The following LAMA3 variants were observed in gnomAD, a reference collection of about 807,000 sequenced individuals.
LAMA3 encodes the protein laminin subunit alpha 3.
Under a neutral mutation model 402.0 loss-of-function variants are expected in LAMA3, and 281 were observed. That is an observed-to-expected ratio of 0.70 (90% CI 0.63 to 0.77). LAMA3 has a LOEUF of 0.77. Ranked by LOEUF, LAMA3 falls within the 30% of genes least tolerant of loss-of-function variation. The pLI is 0.00. For missense variants in LAMA3, 3,840 were observed against 4,215.5 expected (o/e 0.91, Z 2.47); for synonymous variants, 1,431 against 1,558.4 (o/e 0.92, Z 1.93).
intron 23 of LAMA3, among the ~76,000 whole-genome samples, chr18:23,832,337 C>T (rs1302031287): frequency 6.6e-6 from 1 of 152,118 alleles, no homozygotes; most frequent in Non-Finnish European, 1.5e-5. Flanking sequence ...ATTGGTATGG[C>T]TGATCCACAT....
chr18:23,723,009 A>G (rs1208570622), intron 2 of LAMA3, among the ~76,000 whole-genome samples: 1 of 152,138 alleles, frequency 6.6e-6, no homozygotes, highest in African/African-American at 2.4e-5. Flanking sequence ...AGAGCTTTAC[A>G]TTTACATATC....
chr18:23,750,482 A>C (rs941198292), intron 4 of LAMA3, among the ~76,000 whole-genome samples: 2 of 71,200 alleles, frequency 2.8e-5, no homozygotes, highest in Non-Finnish European at 5.2e-5. Context: ...CATTACTGTC[A>C]AACTTTATAT....
intron 1 of LAMA3, among the ~76,000 whole-genome samples, chr18:23,694,196 G>A (rs1248814637): frequency 6.6e-6 from 1 of 152,196 alleles, no homozygotes; most frequent in Non-Finnish European, 1.5e-5. Context: ...AATACATGTG[G>A]AGTTAATAAA....
intron 1 of LAMA3, among the ~76,000 whole-genome samples, chr18:23,695,761 C>T (rs1387047329): frequency 8.1e-6 from 1 of 123,146 alleles, no homozygotes; most frequent in African/African-American, 3.1e-5. Flanking sequence ...CACACCACTG[C>T]ACTCCAGCCT....
intron 11 of LAMA3, among the ~76,000 whole-genome samples, chr18:23,779,559 A>T (rs118176037): frequency 0.033 from 5,011 of 152,096 alleles, 351 homozygotes; most frequent in Admixed American, 0.17. Context: ...AGAGGGAAAG[A>T]TTAAAACAAG....
In LAMA3 at chr18:23,842,529, G is replaced by A. The variant is rs773464664; in HGVS notation, c.3463+8G>A. ...GCGGGTGGCCACGGGCAGGTGAGCT[G>A]CAGTGAGCAGGCCCTGCTGCCTGCC... On this transcript the variant is annotated splice_region_variant and intron_variant, in intron 28 of 74. Transcript: ENST00000313654. 1 of 1,614,242 alleles carries A rather than the reference G, an allele frequency of 6.2e-7. No homozygotes were observed. Among genetic ancestry groups the A allele is most frequent in the East Asian group, 2.2e-5 (1 of 44,866 alleles).
intron 18 of LAMA3, among the ~76,000 whole-genome samples, chr18:23,818,090 G>C (rs2063212493): frequency 6.6e-6 from 1 of 152,222 alleles, no homozygotes; most frequent in Non-Finnish European, 1.5e-5. Context: ...GGGAGGCAGA[G>C]GTTGCAGTGA....
Position 23,689,873 on chromosome 18 carries a change from G to T in LAMA3, c.190G>T (p.Ala64Ser). 7 of 1,545,270 alleles carry T rather than the reference G, an allele frequency of 4.5e-6. No individual in the cohort carries two copies. Among genetic ancestry groups the T allele is most frequent in the Non-Finnish European group, 6.1e-6 (7 of 1,145,502 alleles). ...LAEAARIWAT[A>S]TCGERGPGEG... ...CGAGGCGGCGAGGATTTGGGCCACC[G>T]CCACCTGCGGGGAGAGGGGACCCGG... Residue 64 changes from alanine (A) to serine (S), a missense_variant, in exon 1 of 75, where the codon GCC (alanine) becomes TCC (serine). By Grantham distance (99) the Ala-to-Ser change is moderately conservative (BLOSUM62 1). Coordinates refer to ENST00000313654, the MANE Select transcript of LAMA3 (RefSeq NM_198129.4).
At chr18:23,792,646 T>C (rs554792593) in intron 12 of LAMA3, among the ~76,000 whole-genome samples, 8 of 152,194 alleles carry the variant, frequency 5.3e-5, no homozygotes, top group African/African-American at 1.2e-4. Flanking sequence ...GCAGAGGTGC[T>C]TGTGGCCAGA....
At position 23,901,261 on chromosome 18, in the gene LAMA3, G is replaced by A. The variant is rs772403870; in HGVS notation, c.6139G>A (p.Ala2047Thr). Residue 2047 changes from alanine to threonine, a missense_variant, in exon 48 of 75, where the codon GCC becomes ACC. Physicochemically the swap from Ala to Thr is moderately conservative, Grantham distance 58. Around this residue, in one of 3 missense-constraint regions of LAMA3, gnomAD observed 891 missense variants for 857.5 expected, o/e 1.04. Transcript: ENST00000313654. ...TCGTGCTCGGCTGCAGGAGGCAGCT[G>A]CCCAAGCCAAGCAGGCAAATGGCTT... ...DLRARLQEAA[A>T]QAKQANGLNQ... 14 of 1,614,192 alleles carry A rather than the reference G, an allele frequency of 8.7e-6. No individual in the cohort carries two copies. In the South Asian group the frequency reaches 1.5e-4, roughly 18 times the overall value.
intron 47 of LAMA3, 62 bp downstream of exon 47, chr18:23,899,517 A>G (rs577499226): frequency 6.5e-7 from 1 of 1,526,822 alleles, no homozygotes; most frequent in Non-Finnish European, 9.0e-7. Context: ...CACAACGTGC[A>G]GAGTGCAATG....
Position 23,861,753 on chromosome 18 carries a change from C to G in LAMA3, c.4530C>G (p.Pro1510=), listed in dbSNP as rs12965685. The change falls in exon 35 of 75, where the codon CCC becomes CCG. Residue 1510 remains proline, a synonymous_variant. Transcript: ENST00000313654. ...NSMVADLQEL[P]ATIHSASWVA... ...TGGTGGCGGATCTCCAGGAGCTGCC[C>G]GCAACCATCCACAGCGCGTCCTGGG... The G allele has an allele frequency of 1.2e-6, 2 of 1,613,186 alleles. No homozygotes were observed. The highest frequency in any genetic ancestry group is 1.7e-6 in the Non-Finnish European group (2 of 1,179,562).
At chr18:23,861,899 C>T (rs2064233604) in intron 35 of LAMA3, 92 bp downstream of exon 35, 5 of 1,355,400 alleles carry the variant, frequency 3.7e-6, no homozygotes, top group Non-Finnish European at 5.1e-6. Context: ...AGGAAGCATC[C>T]AGCAGTTCAG....
chr18:23,918,575 A>G lies in LAMA3; in HGVS notation c.7923+1880A>G, dbSNP rs571287878. ...GATTCCTAGGGACCCTCTAAAATCT[A>G]TTAGGTTAGAAAAGTCCAAAGTGAC... On this transcript the variant is annotated intron_variant, in intron 60 of 74. Transcript: ENST00000313654. The surrounding 1 kb of genome is among the most constrained non-coding windows in gnomAD (Gnocchi z 4.1). Among the ~76,000 whole-genome samples, 83 of 152,328 alleles carry G rather than the reference A, an allele frequency of 5.4e-4. No individual in the cohort carries two copies. Among genetic ancestry groups the G allele is most frequent in the African/African-American group, 1.7e-3 (72 of 41,562 alleles).
intron 39 of LAMA3, among the ~76,000 whole-genome samples, chr18:23,876,757 GC>G (rs1378755953): frequency 1.3e-5 from 2 of 152,168 alleles, no homozygotes; most frequent in Non-Finnish European, 2.9e-5. Context: ...TGTTGGGGCG[GC>G]AGGAAGTTAC....
At chr18:23,837,570 G>GATAGATATATATATATATATATAT (rs368371253) in intron 25 of LAMA3, among the ~76,000 whole-genome samples, 11 of 83,292 alleles carry the variant, frequency 1.3e-4, no homozygotes, top group African/African-American at 4.5e-4. Flanking sequence ...CAGTTAATCA[G>GATAGATATATATATATATATATAT]ATATATATAT....
chr18:23,727,351 A>G (rs905126979), intron 2 of LAMA3, among the ~76,000 whole-genome samples: 1 of 151,990 alleles, frequency 6.6e-6, no homozygotes, highest in African/African-American at 2.4e-5. Context: ...TTTGAGATGG[A>G]GTCTCACTCT....
rs1234747425 is a variant in LAMA3, at chr18:23,847,564, A to G, written c.4032A>G (p.Ser1344=). The G allele has an allele frequency of 4.3e-6, 7 of 1,613,990 alleles. No individual in the cohort carries two copies. The highest frequency in any genetic ancestry group is 5.9e-6 in the Non-Finnish European group (7 of 1,180,046). Residue 1344 remains serine, a synonymous_variant, in exon 32 of 75, where the codon TCA becomes TCG. Transcript: ENST00000313654. ...RPQCEVCETH[S]FSFHPMAGCE... is the part of the protein sequence containing the mutation. ...AGTGTGAGGTGTGTGAGACACACTC[A>G]TTCAGCTTCCACCCCATGGCCGGCT...
At chr18:23,944,888 A>G (rs1039396256) in intron 69 of LAMA3, among the ~76,000 whole-genome samples, 1 of 152,210 alleles carries the variant, frequency 6.6e-6, no homozygotes, top group Non-Finnish European at 1.5e-5. Flanking sequence ...TAATCCCAGC[A>G]CTTTGGGAGG....
Sources: gnomAD v4.1 joint callset for allele counts (sites outside exome capture counted in the v4.1 genomes callset) on GRCh38, gnomAD v4.1.1 for gene constraint, gnomAD v4.1.1 regional missense constraint, Gnocchi (gnomAD v3.1) non-coding constraint, MANE v1.5 for transcripts, NCBI Gene and HGNC (gene_info 2026-07-23, HGNC 2026-07-21) for gene names.